The following GTF2E2 variants were observed in gnomAD, a reference collection of about 807,000 sequenced individuals.
GTF2E2 encodes general transcription factor IIE subunit 2.
Under a neutral mutation model 40.5 loss-of-function variants are expected in GTF2E2, and 21 were observed. The ratio of observed to expected loss-of-function variants is 0.52; its 90% confidence interval spans 0.37 to 0.75. The LOEUF is 0.75. GTF2E2 is among the 30% of genes least tolerant of loss of function. GTF2E2 has a pLI of 0.00. For missense variants in GTF2E2, 298 were observed against 338.4 expected, an observed-to-expected ratio of 0.88 and a Z score of 0.94; for synonymous variants, 117 against 121.6, an observed-to-expected ratio of 0.96 and a Z score of 0.25.
chr8:30,645,592 G>A, intron 2 of GTF2E2: 1 of 1,535,090 alleles, frequency 6.5e-7, no homozygotes, highest in Non-Finnish European at 8.7e-7. Flanking sequence ...AACTGAAGTG[G>A]TCTAACACTC....
intron 5 of GTF2E2, among the ~76,000 whole-genome samples, chr8:30,612,056 C>T (rs1200947687): frequency 6.6e-6 from 1 of 152,176 alleles, no homozygotes; most frequent in Non-Finnish European, 1.5e-5. Context: ...CCAGAAATAG[C>T]CTGAACAATC....
chr8:30,612,542 T>TATG, intron 4 of GTF2E2, 61 bp from the exon 5 acceptor site: 1 of 1,009,294 alleles, frequency 9.9e-7, no homozygotes, highest in Non-Finnish European at 1.4e-6. Context: ...TATATATATT[T>TATG]TTGAAACGTA....
chr8:30,614,530 A>AG (rs1800855814), intron 4 of GTF2E2, 78 bp downstream of exon 4: 2 of 796,960 alleles, frequency 2.5e-6, no homozygotes, highest in African/African-American at 1.7e-5. Context: ...CCTGTGCAAC[A>AG]GAGCAAGACT....
chr8:30,603,745 A>C (rs1226054181), intron 6 of GTF2E2, among the ~76,000 whole-genome samples: 1 of 152,182 alleles, frequency 6.6e-6, no homozygotes, highest in Admixed American at 6.5e-5. Context: ...ATATGTATGT[A>C]GATGATGATC....
intron 2 of GTF2E2, among the ~76,000 whole-genome samples, chr8:30,639,008 A>C (rs1801710982): frequency 6.6e-6 from 1 of 152,224 alleles, no homozygotes; most frequent in Non-Finnish European, 1.5e-5. Context: ...TTTTTCTTAA[A>C]GAAAAACCCA....
chr8:30,639,304 A>G (rs1169516739), intron 2 of GTF2E2, among the ~76,000 whole-genome samples: 3 of 152,200 alleles, frequency 2.0e-5, no homozygotes, highest in Admixed American at 6.5e-5. Context: ...ACATTTAATT[A>G]AAGTATTTCT....
chr8:30,629,831 G>A (rs1585983922), intron 3 of GTF2E2, among the ~76,000 whole-genome samples: 1 of 152,042 alleles, frequency 6.6e-6, no homozygotes, highest in South Asian at 2.1e-4. Context: ...TGACACTGGA[G>A]AAACACTAAG....
Position 30,600,420 on chromosome 8 carries a change from C to T in GTF2E2, c.643+6637G>A, listed in dbSNP as rs78622657. On this transcript the variant is annotated intron_variant, in intron 6 of 7. Coordinates refer to ENST00000355904, the MANE Select transcript of GTF2E2 (RefSeq NM_002095.6). ...TTTCCACCAGATTCTGTTCCAAGTT[C>T]CAAGCACTTTTATTTATATTCACTC... Among the ~76,000 whole-genome samples, 925 of 152,230 alleles carry T rather than the reference C, an allele frequency of 6.1e-3. 8 individuals are homozygous for T. The highest frequency in any genetic ancestry group is 0.021 in the African/African-American group (868 of 41,532).
rs1172858224 is a variant in GTF2E2 at position 30,612,451 on chromosome 8, T to C, written c.397A>G (p.Ile133Val). 1.2e-6 allele frequency: 2 copies of C among 1,611,588 alleles called. No individual in the cohort carries two copies. Among genetic ancestry groups the C allele is most frequent in the Non-Finnish European group, 1.7e-6 (2 of 1,178,510 alleles). Residue 133 changes from isoleucine to valine, a missense_variant, in exon 5 of 8, where the codon ATA becomes GTA. Physicochemically the swap from Ile to Val is conservative, Grantham distance 29. Transcript: ENST00000355904. ...GGCTTGAAAGCATACTTCCCATCTA[T>C]TACTTCAATTTTGGGATTGTTGACT... ...ALVNNPKIEV[I>V]DGKYAFKPKY...
intron 2 of GTF2E2, among the ~76,000 whole-genome samples, chr8:30,647,145 G>A (rs1802114622): frequency 6.6e-6 from 1 of 152,010 alleles, no homozygotes; most frequent in South Asian, 2.1e-4. Flanking sequence ...AATTAGAATA[G>A]CTGGTATATT....
intron 2 of GTF2E2, among the ~76,000 whole-genome samples, chr8:30,652,246 T>C (rs1802303713): frequency 6.6e-6 from 1 of 152,282 alleles, no homozygotes; most frequent in African/African-American, 2.4e-5. Flanking sequence ...TTAAAAACTT[T>C]TGTACATACA....
At chr8:30,613,211 AAAGT>A (rs946005433) in intron 4 of GTF2E2, among the ~76,000 whole-genome samples, 42 of 152,366 alleles carry the variant, frequency 2.8e-4, no homozygotes, top group African/African-American at 9.6e-4. Flanking sequence ...CTGGCATTAT[AAAGT>A]AAGGAACATA....
chr8:30,633,598 AAGAC>A (rs1801502267), intron 3 of GTF2E2, among the ~76,000 whole-genome samples: 2 of 152,356 alleles, frequency 1.3e-5, no homozygotes, highest in South Asian at 2.1e-4. Flanking sequence ...TCACTGTTCT[AAGAC>A]AGACAAAGTT....
chr8:30,643,007 T>C (rs1172803472), intron 2 of GTF2E2, among the ~76,000 whole-genome samples: 1 of 152,182 alleles, frequency 6.6e-6, no homozygotes, highest in Non-Finnish European at 1.5e-5. Context: ...TGGAGTGCAA[T>C]GTGCATTTTC....
intron 6 of GTF2E2, among the ~76,000 whole-genome samples, chr8:30,606,815 A>C (rs1263867554): frequency 6.6e-6 from 1 of 152,222 alleles, no homozygotes; most frequent in African/African-American, 2.4e-5. Flanking sequence ...AGCTATAAAC[A>C]TTAAGAAATC....
chr8:30,592,805 T>G (rs1338773792), intron 6 of GTF2E2, among the ~76,000 whole-genome samples: 2 of 152,210 alleles, frequency 1.3e-5, no homozygotes, highest in Admixed American at 1.3e-4. Context: ...CCAAAAGACA[T>G]GGAGGGCCAA....
At chr8:30,579,515 G>A (rs1003761096) in intron 7 of GTF2E2, among the ~76,000 whole-genome samples, 3 of 152,110 alleles carry the variant, frequency 2.0e-5, no homozygotes, top group Non-Finnish European at 4.4e-5. Flanking sequence ...ACAATAATAG[G>A]AAATCATGAA....
intron 3 of GTF2E2, 28 bp from the exon 4 acceptor site, chr8:30,614,743 A>G (rs1476898228): frequency 7.6e-7 from 1 of 1,312,790 alleles, no homozygotes; most frequent in Non-Finnish European, 1.1e-6. Context: ...TGTTATTAGA[A>G]GACAGTTTCA....
intron 6 of GTF2E2, among the ~76,000 whole-genome samples, chr8:30,600,812 T>A (rs16877212): frequency 0.018 from 2,719 of 152,264 alleles, 63 homozygotes; most frequent in South Asian, 0.064. Flanking sequence ...CCATCAACTC[T>A]CTCCTTGAGC....
Sources: gnomAD v4.1 joint callset for allele counts (sites outside exome capture counted in the v4.1 genomes callset) on GRCh38, gnomAD v4.1.1 for gene constraint, MANE v1.5 for transcripts, NCBI Gene and HGNC (gene_info 2026-07-23, HGNC 2026-07-21) for gene names.